Variants in ANO3 observed in about 807,000 individuals in gnomAD.
ANO3 encodes anoctamin 3.
ANO3 carries 99 observed loss-of-function variants against 144.8 expected under a neutral mutation model. That is an observed-to-expected ratio of 0.68 (90% confidence interval 0.58 to 0.81). ANO3 has a LOEUF of 0.81. ANO3 is among the 30% of genes least tolerant of loss of function. The probability of loss-of-function intolerance (pLI) is 0.00; values close to 1 mark genes in which losing one functional copy is unlikely to be tolerated. For missense variants in ANO3, 905 were observed against 1,202.2 expected (o/e 0.75, Z 3.66); for synonymous variants, 414 against 392.6 (o/e 1.05, Z -0.64).
chr11:26,498,276 A>G (rs1861045789), intron 4 of ANO3, among the ~76,000 whole-genome samples: 1 of 151,990 alleles, frequency 6.6e-6, no homozygotes, highest in South Asian at 2.1e-4. Flanking sequence ...GAAGGTCTTT[A>G]GTTATAATAA....
intron 1 of ANO3, among the ~76,000 whole-genome samples, chr11:26,246,039 G>A (rs1488498369): frequency 6.6e-6 from 1 of 152,130 alleles, no homozygotes; most frequent in African/African-American, 2.4e-5. Context: ...GGTAGATAAG[G>A]GAAATTCAGA....
chr11:26,342,005 TCTC>T (rs918296932), intron 1 of ANO3, among the ~76,000 whole-genome samples: 3 of 152,108 alleles, frequency 2.0e-5, no homozygotes, highest in African/African-American at 7.2e-5. Context: ...CAAATGTTAT[TCTC>T]CTTTGGCAAC....
chr11:26,422,113 A>G (rs1347612586), intron 1 of ANO3, among the ~76,000 whole-genome samples: 3 of 152,078 alleles, frequency 2.0e-5, no homozygotes, highest in Admixed American at 2.0e-4. Context: ...GAAAGAAAGG[A>G]AAACTATTAT....
chr11:26,380,810 C>T (rs1189099847), intron 1 of ANO3, among the ~76,000 whole-genome samples: 5 of 151,878 alleles, frequency 3.3e-5, no homozygotes, highest in African/African-American at 7.3e-5. Context: ...GGTGAAACCC[C>T]GTCTCTACTA....
chr11:26,531,467 C>A, intron 8 of ANO3, 131 bp downstream of exon 8: 1 of 1,063,424 alleles, frequency 9.4e-7, no homozygotes, highest in Non-Finnish European at 1.3e-6. Context: ...TATTAAAATA[C>A]ACACTTAACT....
chr11:26,417,962 A>AC (rs1448397886), intron 1 of ANO3, among the ~76,000 whole-genome samples: 1 of 152,108 alleles, frequency 6.6e-6, no homozygotes, highest in Non-Finnish European at 1.5e-5. Flanking sequence ...CTCACCCTGA[A>AC]CTGGTTGAAA....
intron 4 of ANO3, among the ~76,000 whole-genome samples, chr11:26,493,924 C>G (rs747722036): frequency 6.6e-6 from 1 of 152,250 alleles, no homozygotes; most frequent in South Asian, 2.1e-4. Flanking sequence ...AAGGCAAATA[C>G]TAAATAAACC....
intron 3 of ANO3, among the ~76,000 whole-genome samples, chr11:26,454,397 C>T (rs1486159876): frequency 1.3e-5 from 2 of 151,982 alleles, no homozygotes; most frequent in African/African-American, 4.8e-5. Context: ...AAGGGGATAT[C>T]ACCACTGATC....
chr11:26,505,568 G>A (rs117732833), intron 4 of ANO3, among the ~76,000 whole-genome samples: 3,414 of 152,220 alleles, frequency 0.022, 63 homozygotes, highest in Non-Finnish European at 0.036. Flanking sequence ...AAGAGAGAAC[G>A]AGTGACCACT....
At chr11:26,247,219 C>T (rs766252063) in intron 1 of ANO3, among the ~76,000 whole-genome samples, 14 of 152,174 alleles carry the variant, frequency 9.2e-5, no homozygotes, top group African/African-American at 3.4e-4. Context: ...TTAATTTTTA[C>T]GTGTAGATTT....
chr11:26,273,028 C>T lies in ANO3; in HGVS notation c.155-36617C>T, dbSNP rs528832326. 4.6e-5 allele frequency among the ~76,000 whole-genome samples: 7 copies of T among 152,080 alleles called. No individual in the cohort carries two copies. The South Asian group carries it at 1.0e-3, about 23-fold the overall frequency. ...GTATTGCATAATATTAAGTATTGAG[C>T]GTACTTAATGAAATACCTATAAATA... On this transcript the variant is annotated intron_variant, in intron 1 of 27. Coordinates refer to the ANO3 transcript ENST00000672621.
Position 26,243,182 on chromosome 11 carries a change from CGTTTTCAGAAGGTTGTTGCCAGGCTGG to C in ANO3, c.154+53882_154+53908del, listed in dbSNP as rs932508131. 8.5e-5 allele frequency among the ~76,000 whole-genome samples: 13 copies of C among 152,184 alleles called. No homozygotes were observed. In the South Asian group the frequency reaches 2.3e-3, roughly 27 times the overall value. On this transcript the variant is annotated intron_variant, in intron 1 of 27. Coordinates refer to the ANO3 transcript ENST00000672621. The stretch of plus-strand genomic sequence containing the variant: ...AATCTCTAAGCTAAAAAACAATACA[CGTTTTCAGAAGGTTGTTGCCAGGCTGG>C]GTTTTCAGAAGGTTGTTGCCAGGCT...
upstream of ANO3, among the ~76,000 whole-genome samples, chr11:26,327,561 T>C (rs1003977956): frequency 2.6e-5 from 4 of 152,128 alleles, no homozygotes; most frequent in Non-Finnish European, 5.9e-5. Context: ...CAATATAGGA[T>C]TAAAAGAGTT....
At chr11:26,337,177 C>A (rs958899406) in intron 1 of ANO3, among the ~76,000 whole-genome samples, 9 of 152,140 alleles carry the variant, frequency 5.9e-5, no homozygotes, top group African/African-American at 2.2e-4. Flanking sequence ...ACACAAGTGT[C>A]TGGGACTGTA....
chr11:26,585,871 T>A (rs1476613858), intron 14 of ANO3, among the ~76,000 whole-genome samples: 2 of 152,216 alleles, frequency 1.3e-5, no homozygotes, highest in Non-Finnish European at 2.9e-5. Flanking sequence ...GTACATGTAG[T>A]TCCCGTTCAG....
At chr11:26,234,831 A>AGTCTGAGTTCCAC (rs112543039) in intron 1 of ANO3, among the ~76,000 whole-genome samples, 43,783 of 148,826 alleles carry the variant, frequency 0.29, 6,825 homozygotes, top group Non-Finnish European at 0.34. Context: ...ATGCTTATGG[A>AGTCTGAGTTCCAC]GTCTGCCTTC....
Position 26,283,325 on chromosome 11 carries a change from T to A in ANO3, c.155-26320T>A, listed in dbSNP as rs1019088999. On this transcript the variant is annotated intron_variant, in intron 1 of 27. Transcript: ENST00000672621. Reference sequence around the variant, plus strand: ...ACCAAAATAAACAAATAAATAAATATATATATATATATATATATATATATA... The same window carrying A: ...ACCAAAATAAACAAATAAATAAATAAATATATATATATATATATATATATA... Among the ~76,000 whole-genome samples, 13 of 21,384 alleles carry A rather than the reference T, an allele frequency of 6.1e-4. No homozygotes were observed. The East Asian group carries it at 6.2e-3, about 10-fold the overall frequency. The allele number at this position is 21,384 out of a possible 152,430, so 14.0% of individuals were successfully genotyped here.
intron 10 of ANO3, among the ~76,000 whole-genome samples, chr11:26,539,133 T>TACACAC (rs68138224): frequency 4.1e-4 from 61 of 149,308 alleles, no homozygotes; most frequent in African/African-American, 1.5e-3. Context: ...ACAAGAGAAA[T>TACACAC]ACACACACAC....
chr11:26,413,485 T>C (rs1014473258), intron 1 of ANO3, among the ~76,000 whole-genome samples: 1 of 152,058 alleles, frequency 6.6e-6, no homozygotes, highest in Non-Finnish European at 1.5e-5. Flanking sequence ...AATTACTCTC[T>C]ATTTTTTAGG....
Sources: allele counts gnomAD v4.1 joint callset (sites outside exome capture counted in the v4.1 genomes callset), GRCh38; gene constraint gnomAD v4.1.1; transcripts MANE v1.5; gene names NCBI Gene and HGNC (gene_info 2026-07-23, HGNC 2026-07-21).